Variants in CPNE7 observed in about 807,000 individuals in gnomAD.
The protein encoded by CPNE7 is copine 7.
Under a neutral mutation model 66.5 loss-of-function variants are expected in CPNE7, and 78 were observed. That is an observed-to-expected ratio of 1.17 (90% CI 0.98 to 1.42). The LOEUF is 1.42. CPNE7 is among the 40% of genes most tolerant of loss of function. CPNE7 has a pLI of 0.00. For synonymous variants in CPNE7, 468 were observed against 336.7 expected, an observed-to-expected ratio of 1.39 and a Z score of -4.27; for missense variants, 1,012 against 776.6, an observed-to-expected ratio of 1.30 and a Z score of -3.60.
At chr16:89,577,267 C>T (rs549154639) in intron 1 of CPNE7, among the ~76,000 whole-genome samples, 19 of 152,260 alleles carry the variant, frequency 1.2e-4, no homozygotes, top group African/African-American at 3.4e-4. Context: ...AATCTGATCT[C>T]GCCCCCGACT....
At position 89,587,021 on chromosome 16, in the gene CPNE7, C is replaced by A. The variant is rs376070809; in HGVS notation, c.868-22C>A. 5.1e-6 allele frequency: 8 copies of A among 1,569,838 alleles called. No individual in the cohort carries two copies. In the African/African-American group the frequency reaches 8.1e-5, roughly 16 times the overall value. On this transcript the variant is annotated intron_variant, in intron 8 of 14. Transcript: ENST00000319518. ...CCTCAGTGTCCCTGGCGGGGGTGGA[C>A]GCTGACTCCGCCGGCCGGAAGTTCC...
chr16:89,593,310 G>A lies in CPNE7; in HGVS notation c.1302+2050G>A, dbSNP rs76098503. Among the ~76,000 whole-genome samples, 408 of 151,674 alleles carry A rather than the reference G, an allele frequency of 2.7e-3. 2 individuals are homozygous for A. The highest frequency in any genetic ancestry group is 9.4e-3 in the African/African-American group (390 of 41,320). On this transcript the variant is annotated intron_variant, in intron 13 of 14. Transcript: ENST00000319518. ...AACTTGGCACTGCACACACACATTT[G>A]TGAACCGTCCGAGAGCACGTTGCAA...
chr16:89,576,024 G>C lies in CPNE7; in HGVS notation c.127G>C (p.Asp43His). ...GGACCGCGACCCGCTCACCAAGTCC[G>C]ACCCCAGCGTGGCGTTGCTGCAGCA... Reference protein sequence around the residue: ...LLDRDPLTKSDPSVALLQQAQ... With the variant: ...LLDRDPLTKSHPSVALLQQAQ... The change falls in exon 1 of 15, where the codon GAC (aspartate) becomes CAC (histidine). Residue 43 changes from aspartate (D) to histidine (H), a missense_variant. Physicochemically the swap from Asp to His is moderately conservative, Grantham distance 81. Coordinates refer to ENST00000319518, the MANE Select transcript of CPNE7 (RefSeq NM_153636.3). 3.0e-6 allele frequency: 4 copies of C among 1,349,862 alleles called. No homozygotes were observed. Among genetic ancestry groups the C allele is most frequent in the Non-Finnish European group, 3.8e-6 (4 of 1,049,662 alleles). The allele number at this position is 1,349,862 out of a possible 1,614,324, so 83.6% of individuals were successfully genotyped here.
At position 89,587,096 on chromosome 16, in the gene CPNE7, C is replaced by G. The variant is rs1250192560; in HGVS notation, c.921C>G (p.His307Gln). The G allele has an allele frequency of 1.3e-6, 2 of 1,565,090 alleles. No individual in the cohort carries two copies. The highest frequency in any genetic ancestry group is 2.4e-5 in the East Asian group (1 of 42,384). The part of the protein sequence containing the change: ...LDYIMGGCQI[H>Q]FTVAIDFTAS... ...ATATCATGGGCGGCTGCCAGATCCA[C>G]TTCACCGTGAGTCCATGGCCCCGCC... Residue 307 changes from histidine to glutamine, a missense_variant, in exon 9 of 15, where the codon CAC becomes CAG. His to Gln is a conservative substitution (Grantham distance 24). Transcript: ENST00000319518.
At chr16:89,576,685 G>A (rs998796611) in intron 1 of CPNE7, among the ~76,000 whole-genome samples, 1 of 152,170 alleles carries the variant, frequency 6.6e-6, no homozygotes, top group Non-Finnish European at 1.5e-5. Context: ...GCGCGAAGCC[G>A]CAGCGGGCGG....
rs981475694 is a variant in CPNE7 at position 89,584,797 on chromosome 16, C to T, written c.531C>T (p.Pro177=). Residue 177 remains proline (P), a synonymous_variant, in exon 5 of 15, where the codon CCC becomes CCT. Transcript: ENST00000319518. This position sits in a 1 kb window ranked among gnomAD's most constrained non-coding sequence, Gnocchi z 6.0. The part of the protein sequence containing the change: ...DDKDLFSKSD[P]FLELYRVNDD... ...AGGACCTCTTCAGCAAGTCCGACCCCTTCCTGGAGCTCTACAGGGTCAACG... is the reference window on the plus strand; with the variant it reads ...AGGACCTCTTCAGCAAGTCCGACCCTTTCCTGGAGCTCTACAGGGTCAACG... 2.5e-6 allele frequency: 4 copies of T among 1,613,568 alleles called. No individual in the cohort carries two copies. The African/African-American group carries it at 4.0e-5, about 16-fold the overall frequency.
chr16:89,591,035 A>C lies in CPNE7; in HGVS notation c.1145A>C (p.Asn382Thr), dbSNP rs2059159404. 2 of 1,612,996 alleles carry C rather than the reference A, an allele frequency of 1.2e-6. No homozygotes were observed. Among genetic ancestry groups the C allele is most frequent in the African/African-American group, 2.7e-5 (2 of 74,624 alleles). Residue 382 changes from asparagine (N) to threonine (T), a missense_variant, in exon 12 of 15, where the codon AAC becomes ACC. Transcript: ENST00000319518. ...TCCCATGACTTTGCCATCAATTTCA[A>C]CCCTGAGGACGATGAGTGTGAAGGT... ...EVSHDFAINF[N>T]PEDDECEGIQ...
rs2059260984 is a variant in CPNE7, at chr16:89,596,606, A to C, written c.1662A>C (p.Pro554=). ...SLGVPAGEAS[P]GCTP The stretch of plus-strand genomic sequence containing the variant: ...GTGTCCCTGCCGGAGAGGCCAGCCC[A>C]GGCTGCACACCGTGAAGATGTGGAG... The change falls in exon 15 of 15, where the codon CCA becomes CCC. Residue 554 remains proline (P), a synonymous_variant. Transcript: ENST00000319518. The C allele has an allele frequency of 6.2e-7, 1 of 1,603,632 alleles. No homozygotes were observed.
Position 89,584,800 on chromosome 16 carries a change from C to T in CPNE7, c.534C>T (p.Phe178=), listed in dbSNP as rs73264926. 850 of 1,613,700 alleles carry T rather than the reference C, an allele frequency of 5.3e-4. 4 individuals carry two copies. In the African/African-American group the frequency reaches 0.011, roughly 20 times the overall value. Residue 178 remains phenylalanine (F), a synonymous_variant, in exon 5 of 15, where the codon TTC becomes TTT. Transcript: ENST00000319518. This position sits in a 1 kb window ranked among gnomAD's most constrained non-coding sequence, Gnocchi z 6.0. ...DKDLFSKSDP[F]LELYRVNDDQ... ...ACCTCTTCAGCAAGTCCGACCCCTTCCTGGAGCTCTACAGGGTCAACGACG... is the reference window on the plus strand; with the variant it reads ...ACCTCTTCAGCAAGTCCGACCCCTTTCTGGAGCTCTACAGGGTCAACGACG...
At chr16:89,588,195 C>CT (rs1172153944) in intron 9 of CPNE7, among the ~76,000 whole-genome samples, 7 of 23,502 alleles carry the variant, frequency 3.0e-4, no homozygotes, top group Non-Finnish European at 8.3e-4. Flanking sequence ...TACACGGCCC[C>CT]CGTGTCACCC....
chr16:89,591,801 C>A (rs28414505), intron 13 of CPNE7, among the ~76,000 whole-genome samples: 7,353 of 151,634 alleles, frequency 0.048, 485 homozygotes, highest in African/African-American at 0.15. Flanking sequence ...CCGGGGTTCA[C>A]GCCATTCTCC....
rs553256055 is a variant in CPNE7, at chr16:89,576,640, G to T, written c.174+569G>T. On this transcript the variant is annotated intron_variant, in intron 1 of 14. Coordinates refer to ENST00000319518, the MANE Select transcript of CPNE7 (RefSeq NM_153636.3). ...CCTCGGTCACCATCTCGCGTGAAAC[G>T]CGTGGCTTCACCTCGAAAGGGCGAG... Among the ~76,000 whole-genome samples the T allele has an allele frequency of 2.6e-5, 4 of 152,204 alleles. No homozygotes were observed. In the East Asian group the frequency reaches 7.7e-4, roughly 29 times the overall value.
intron 13 of CPNE7, among the ~76,000 whole-genome samples, chr16:89,592,088 A>G (rs2059181990): frequency 6.8e-6 from 1 of 147,116 alleles, no homozygotes; most frequent in South Asian, 2.1e-4. Flanking sequence ...CGCTCACTGC[A>G]ACCTCCCCCT....
At chr16:89,591,937 G>A (rs1046773023) in intron 13 of CPNE7, among the ~76,000 whole-genome samples, 5 of 151,646 alleles carry the variant, frequency 3.3e-5, no homozygotes, top group Non-Finnish European at 7.4e-5. Context: ...CTGACCTCAT[G>A]ATCCACCCGC....
rs2059003745 is a variant in CPNE7 at position 89,584,418 on chromosome 16, A to G, written c.507+316A>G. Among the ~76,000 whole-genome samples the G allele has an allele frequency of 6.6e-6, 1 of 152,186 alleles. No homozygotes were observed. The highest frequency in any genetic ancestry group is 2.4e-5 in the African/African-American group (1 of 41,454). On this transcript the variant is annotated intron_variant, in intron 4 of 14. Transcript: ENST00000319518. The surrounding 1 kb of genome is among the most constrained non-coding windows in gnomAD (Gnocchi z 6.0). ...CTGTCGTGACAGGAGGAACTGGAAC[A>G]GCGCGCGGTTCTGCGGGCTCGTCAC...
At chr16:89,593,424 T>C (rs1316756172) in intron 13 of CPNE7, among the ~76,000 whole-genome samples, 2 of 150,946 alleles carry the variant, frequency 1.3e-5, no homozygotes, top group Admixed American at 6.6e-5. Context: ...GCGATCTTGG[T>C]TCACTGCAAG....
chr16:89,584,766 C>T lies in CPNE7; in HGVS notation c.508-8C>T. 1.9e-6 allele frequency: 3 copies of T among 1,609,458 alleles called. No individual in the cohort carries two copies. Among genetic ancestry groups the T allele is most frequent in the Non-Finnish European group, 2.5e-6 (3 of 1,177,470 alleles). ...GCCTGGCCCAGCAGCCCTTGTGCCT[C>T]TCCCCAGGACCTCTTCAGCAAGTCC... On this transcript the variant is annotated splice_polypyrimidine_tract_variant and splice_region_variant and intron_variant, in intron 4 of 14. Coordinates refer to ENST00000319518, the MANE Select transcript of CPNE7 (RefSeq NM_153636.3). The surrounding 1 kb of genome is among the most constrained non-coding windows in gnomAD (Gnocchi z 6.0).
rs977415372 is a variant in CPNE7, at chr16:89,585,695, C to T, written c.690C>T (p.Val230=). The change falls in exon 7 of 15, where the codon GTC becomes GTT. Residue 230 remains valine (V), a synonymous_variant. Transcript: ENST00000319518. The part of the protein sequence containing the change: ...CEETRPLKCL[V]WDYDSRGKHD... The stretch of plus-strand genomic sequence containing the variant: ...AGGACTGGGCTCCCCAGTGCCTGGT[C>T]TGGGATTACGACTCTCGAGGAAAGC... The T allele has an allele frequency of 1.3e-6, 2 of 1,552,342 alleles. No homozygotes were observed. Among genetic ancestry groups the T allele is most frequent in the Non-Finnish European group, 1.7e-6 (2 of 1,147,884 alleles).
At chr16:89,595,748 G>C in intron 14 of CPNE7, 145 bp downstream of exon 14, 1 of 783,236 alleles carries the variant, frequency 1.3e-6, no homozygotes, top group Non-Finnish European at 2.3e-6. Flanking sequence ...GTTCCCCCCA[G>C]TCAAGAGCAG....
Sources: allele counts gnomAD v4.1 joint callset (sites outside exome capture counted in the v4.1 genomes callset), GRCh38; gene constraint gnomAD v4.1.1; non-coding constraint Gnocchi (gnomAD v3.1); transcripts MANE v1.5; gene names NCBI Gene and HGNC (gene_info 2026-07-23, HGNC 2026-07-21).